Variants in NRXN1 observed in about 807,000 individuals in gnomAD.
The protein encoded by NRXN1 is neurexin 1.
Under a neutral mutation model 150.9 loss-of-function variants are expected in NRXN1, and 39 were observed. The observed-to-expected ratio is 0.26, with a 90% CI of 0.20 to 0.34. The LOEUF (loss-of-function observed/expected upper bound fraction) is 0.34. NRXN1 is among the 10% of genes least tolerant of loss of function. The pLI is 1.00. For synonymous variants in NRXN1, 924 were observed against 757.0 expected (o/e 1.22, Z -3.62); for missense variants, 1,815 against 1,949.9 (o/e 0.93, Z 1.30).
chr2:50,861,980 T>A (rs1440481252), intron 5 of NRXN1, among the ~76,000 whole-genome samples: 1 of 151,916 alleles, frequency 6.6e-6, no homozygotes, highest in African/African-American at 2.4e-5. Context: ...GGTGGGCAGA[T>A]TACCTGAGGT....
intron 19 of NRXN1, among the ~76,000 whole-genome samples, chr2:50,078,654 T>G (rs193295938): frequency 6.6e-6 from 1 of 152,202 alleles, no homozygotes; most frequent in Admixed American, 6.5e-5. Flanking sequence ...GTTAACACTT[T>G]TGAAGAATAC....
intron 8 of NRXN1, among the ~76,000 whole-genome samples, chr2:50,601,707 G>C: frequency 6.6e-6 from 1 of 152,158 alleles, no homozygotes; most frequent in Non-Finnish European, 1.5e-5. Flanking sequence ...CTTGTATAGA[G>C]TTGACCTGAA....
rs529363814 is a variant in NRXN1, at chr2:50,353,914, A to AATCTTTG, written c.3364+111521_3364+111527dup. On this transcript the variant is annotated intron_variant, in intron 17 of 22. Coordinates refer to ENST00000401669, the MANE Select transcript of NRXN1 (RefSeq NM_001330078.2). ...AGATTGCTTTGCTTTTGATTTCCTT[A>AATCTTTG]ATCTTTGGAGGACCCTGATAATTTG... Among the ~76,000 whole-genome samples, 17 of 152,194 alleles carry AATCTTTG rather than the reference A, an allele frequency of 1.1e-4. No individual in the cohort carries two copies. The South Asian group carries it at 3.5e-3, about 32-fold the overall frequency.
intron 15 of NRXN1, among the ~76,000 whole-genome samples, chr2:50,475,807 G>A (rs11677389): frequency 0.28 from 42,908 of 151,612 alleles, 6,746 homozygotes; most frequent in South Asian, 0.42. Flanking sequence ...AGTGGTCTGA[G>A]CCCTGTGTAC....
At chr2:50,198,891 C>T (rs1170983827) in intron 18 of NRXN1, among the ~76,000 whole-genome samples, 2 of 152,094 alleles carry the variant, frequency 1.3e-5, no homozygotes, top group African/African-American at 4.8e-5. Context: ...ACAGGTATAT[C>T]TCCAAAGAGG....
chr2:50,401,466 G>T (rs781171997), intron 17 of NRXN1, among the ~76,000 whole-genome samples: 2 of 152,018 alleles, frequency 1.3e-5, no homozygotes, highest in African/African-American at 2.4e-5. Flanking sequence ...GGTGAGAGCG[G>T]GGAGGGAGAG....
chr2:50,899,891 G>A (rs1410454187), intron 5 of NRXN1, among the ~76,000 whole-genome samples: 2 of 152,128 alleles, frequency 1.3e-5, no homozygotes, highest in Admixed American at 1.3e-4. Context: ...AAGAATTTTT[G>A]AATGTGAATT....
intron 2 of NRXN1, among the ~76,000 whole-genome samples, chr2:50,958,859 T>C (rs1320078002): frequency 6.6e-6 from 1 of 152,132 alleles, no homozygotes; most frequent in Admixed American, 6.6e-5. Flanking sequence ...CTTTATTAAG[T>C]TGAGGAACTG....
At chr2:50,152,293 A>T (rs1312413686) in intron 18 of NRXN1, among the ~76,000 whole-genome samples, 1 of 151,770 alleles carries the variant, frequency 6.6e-6, no homozygotes, top group Non-Finnish European at 1.5e-5. Context: ...AGAATCATAC[A>T]GTATTTGTCT....
chr2:50,799,503 T>C (rs1180847784), intron 5 of NRXN1, among the ~76,000 whole-genome samples: 1 of 152,160 alleles, frequency 6.6e-6, no homozygotes, highest in Non-Finnish European at 1.5e-5. Context: ...ATCCCCTAAT[T>C]ACAGTTGTTC....
chr2:50,153,207 T>C (rs2058798254), intron 18 of NRXN1, among the ~76,000 whole-genome samples: 1 of 151,724 alleles, frequency 6.6e-6, no homozygotes, highest in Non-Finnish European at 1.5e-5. Context: ...TCTACGTCTT[T>C]GTTGCTATTT....
intron 17 of NRXN1, among the ~76,000 whole-genome samples, chr2:50,345,686 G>C (rs1430869886): frequency 6.6e-6 from 1 of 152,184 alleles, no homozygotes; most frequent in African/African-American, 2.4e-5. Flanking sequence ...CACAGTGCTG[G>C]TCACTCTGGA....
intron 15 of NRXN1, among the ~76,000 whole-genome samples, chr2:50,477,618 T>C (rs2090096470): frequency 6.6e-6 from 1 of 152,216 alleles, no homozygotes; most frequent in African/African-American, 2.4e-5. Context: ...GACTCAGCTT[T>C]CCTGTTTATT....
At chr2:50,486,850 G>A (rs1301979097) in intron 15 of NRXN1, among the ~76,000 whole-genome samples, 1 of 152,074 alleles carries the variant, frequency 6.6e-6, no homozygotes, top group Admixed American at 6.6e-5. Context: ...TGAGCCTTAT[G>A]AGCCCTCCTA....
At position 50,735,615 on chromosome 2, in the gene NRXN1, C is replaced by G. The variant is rs544741571; in HGVS notation, c.833-112000G>C. Among the ~76,000 whole-genome samples, 254 of 152,236 alleles carry G rather than the reference C, an allele frequency of 1.7e-3. 1 individual carries two copies. Among genetic ancestry groups the G allele is most frequent in the African/African-American group, 6.0e-3 (248 of 41,542 alleles). On this transcript the variant is annotated intron_variant, in intron 5 of 22. Coordinates refer to ENST00000401669, the MANE Select transcript of NRXN1 (RefSeq NM_001330078.2). ...ATTGTTTGTCTTTTCTTTGCCATGT[C>G]CTGTCTTTAAAAATAAATATCCTAT...
rs565300775 is a variant in NRXN1, at chr2:50,667,406, A to G, written c.833-43791T>C. The stretch of plus-strand genomic sequence containing the variant: ...TAGAAGGACATAATATTGGTTACAC[A>G]TGTTCACAGAATAAGAAAGATATTT... On this transcript the variant is annotated intron_variant, in intron 5 of 22. Coordinates refer to ENST00000401669, the MANE Select transcript of NRXN1 (RefSeq NM_001330078.2). Among the ~76,000 whole-genome samples, 4 of 152,090 alleles carry G rather than the reference A, an allele frequency of 2.6e-5. No individual in the cohort carries two copies. In the South Asian group the frequency reaches 8.3e-4, roughly 32 times the overall value.
In NRXN1 at chr2:49,919,993, C is replaced by T. The variant is rs541250390; in HGVS notation, c.*1951G>A. On this transcript the variant is annotated 3_prime_UTR_variant, in exon 23 of 23. Transcript: ENST00000401669. The stretch of plus-strand genomic sequence containing the variant: ...TCTTCTCTTCTACAAAATTTTTTAT[C>T]GTTCTTTTAGAAGGTATTCAAGTAA... The T allele has an allele frequency of 5.3e-5, 8 of 152,068 alleles. No individual in the cohort carries two copies. Among genetic ancestry groups the T allele is most frequent in the Non-Finnish European group, 7.4e-5 (5 of 67,936 alleles). 9.4% of individuals were successfully genotyped at this position (152,068 alleles called of 1,614,324 possible).
At chr2:50,412,037 C>T (rs1449508431) in intron 17 of NRXN1, among the ~76,000 whole-genome samples, 1 of 152,156 alleles carries the variant, frequency 6.6e-6, no homozygotes, top group Admixed American at 6.5e-5. Context: ...CTCTCTGAAA[C>T]ATGTGCTGTG....
chr2:50,695,711 T>C, intron 5 of NRXN1, among the ~76,000 whole-genome samples: 1 of 152,124 alleles, frequency 6.6e-6, no homozygotes. Context: ...CGTGCTATAG[T>C]AGGAAGAGTT....
Sources: gnomAD v4.1 joint callset for allele counts (sites outside exome capture counted in the v4.1 genomes callset) on GRCh38, gnomAD v4.1.1 for gene constraint, MANE v1.5 for transcripts, NCBI Gene and HGNC (gene_info 2026-07-23, HGNC 2026-07-21) for gene names.